ABCC2: variants seen among roughly 807,000 people sequenced by gnomAD.
ABCC2 encodes ATP binding cassette subfamily C member 2.
A neutral mutation model predicts 173.4 loss-of-function variants in ABCC2; 157 were observed. The ratio of observed to expected loss-of-function variants is 0.91; its 90% CI spans 0.80 to 1.03. The LOEUF (loss-of-function observed/expected upper bound fraction) is 1.03, where lower values mean the gene tolerates loss of function less well. Among genes scored for constraint, ABCC2 ranks in the 50% least tolerant of loss-of-function variants. ABCC2 has a pLI of 0.00. For missense variants in ABCC2, 1,822 were observed against 1,852.3 expected (o/e 0.98, Z 0.30); for synonymous variants, 657 against 693.5 (o/e 0.95, Z 0.83).
chr10:99,811,306 G>C (rs2038208571), intron 14 of ABCC2, among the ~76,000 whole-genome samples: 1 of 151,872 alleles, frequency 6.6e-6, no homozygotes, highest in Non-Finnish European at 1.5e-5. Context: ...CTCCATCCTG[G>C]GTGACAAAGT....
chr10:99,799,677 T>C (rs1035508236), intron 8 of ABCC2, among the ~76,000 whole-genome samples: 4 of 152,122 alleles, frequency 2.6e-5, no homozygotes, highest in African/African-American at 9.7e-5. Flanking sequence ...GCGGGTAGCA[T>C]ACCCCTGGAG....
chr10:99,834,529 TGTTC>T lies in ABCC2; in HGVS notation c.3409_3412del (p.Val1137ArgfsTer11). The T allele has an allele frequency of 6.2e-7, 1 of 1,614,216 alleles. No homozygotes were observed. The highest frequency in any genetic ancestry group is 8.5e-7 in the Non-Finnish European group (1 of 1,180,032). ...TTCCTCTTGGCATTATTTATGTATC[TGTTC>T]AGGTAGGTTTGGAAATGGCTAAGTC... On this transcript the variant is annotated frameshift_variant and splice_region_variant, in exon 24 of 32. Transcript: ENST00000647814. LOFTEE classifies it high-confidence loss of function.
intron 23 of ABCC2, among the ~76,000 whole-genome samples, chr10:99,832,400 A>AT (rs10683821): frequency 6.6e-6 from 1 of 151,794 alleles, no homozygotes; most frequent in Non-Finnish European, 1.5e-5. Flanking sequence ...TAAAACCAGT[A>AT]ACAGCAGTGT....
At chr10:99,804,345 A>G in intron 10 of ABCC2, 72 bp downstream of exon 10, 2 of 1,599,146 alleles carry the variant, frequency 1.3e-6, no homozygotes, top group African/African-American at 1.3e-5. Context: ...CTCTACTCTA[A>G]TTCTTAATGG....
intron 2 of ABCC2, chr10:99,788,981 T>A (rs1177463451): frequency 6.5e-6 from 1 of 152,990 alleles, no homozygotes; most frequent in Non-Finnish European, 1.5e-5. Flanking sequence ...TTTCATTCTC[T>A]GTAACTAGCT....
At chr10:99,850,964 G>C (rs551188951) in intron 31 of ABCC2, among the ~76,000 whole-genome samples, 168 bp downstream of exon 31, 25 of 152,310 alleles carry the variant, frequency 1.6e-4, no homozygotes, top group African/African-American at 6.0e-4. Context: ...TTTACATCAC[G>C]CAAATGAAAA....
At chr10:99,794,313 G>A in intron 5 of ABCC2, 100 bp from the exon 6 acceptor site, 2 of 1,138,664 alleles carry the variant, frequency 1.8e-6, no homozygotes, top group South Asian at 2.6e-5. Context: ...CTAGTTTCTA[G>A]CACAACATTA....
intron 28 of ABCC2, among the ~76,000 whole-genome samples, chr10:99,844,877 C>A (rs1053570706): frequency 6.6e-5 from 10 of 152,098 alleles, no homozygotes; most frequent in African/African-American, 2.2e-4. Context: ...AGTCAGGCAC[C>A]CTCCTTAGGT....
In ABCC2 at chr10:99,836,259, A is replaced by T; in HGVS notation, c.3583A>T (p.Lys1195Ter). Residue 1195 changes from lysine (K) to a stop codon, truncating the protein, a stop_gained, in exon 25 of 32, where the codon AAA becomes TAA. Coordinates refer to ENST00000647814, the MANE Select transcript of ABCC2 (RefSeq NM_000392.5). LOFTEE classifies it high-confidence loss of function. ...HNEVRIDTNQ[K>*]CVFSWITSNR... ...TGAGGTGAGGATTGACACCAACCAG[A>T]AATGTGTCTTTTCCTGGATCACCTC... The T allele has an allele frequency of 6.2e-7, 1 of 1,614,158 alleles. No homozygotes were observed. The highest frequency in any genetic ancestry group is 8.5e-7 in the Non-Finnish European group (1 of 1,180,034).
chr10:99,802,051 T>G (rs943419630), intron 9 of ABCC2, among the ~76,000 whole-genome samples: 2 of 152,264 alleles, frequency 1.3e-5, no homozygotes, highest in Non-Finnish European at 2.9e-5. Context: ...CTAACCAGCC[T>G]GTCTCAGCCA....
intron 26 of ABCC2, among the ~76,000 whole-genome samples, chr10:99,843,459 C>A (rs889919622): frequency 1.3e-5 from 2 of 152,178 alleles, no homozygotes; most frequent in Non-Finnish European, 2.9e-5. Flanking sequence ...CATGCCTTTC[C>A]CTGATTCACA....
intron 2 of ABCC2, among the ~76,000 whole-genome samples, chr10:99,788,325 T>C (rs1352753503): frequency 6.6e-6 from 1 of 152,232 alleles, no homozygotes; most frequent in Non-Finnish European, 1.5e-5. Flanking sequence ...TTTATTCATT[T>C]GTACCTAAGC....
In ABCC2 at chr10:99,795,783, GAAAGAAAGAAAGAAAGAA is replaced by G. The variant is rs1423533595; in HGVS notation, c.633-1312_633-1295del. On this transcript the variant is annotated intron_variant, in intron 6 of 31. Transcript: ENST00000647814. ...AGAAAGAAAGAAAGAAAGAAAGAAAGAAAGAAAGAAAGAAAGAAAGATTTCTAAATGCTAGATTTCAGT... is the reference window on the plus strand; with the variant it reads ...AGAAAGAAAGAAAGAAAGAAAGAAAGAGATTTCTAAATGCTAGATTTCAGT... 8.3e-3 allele frequency among the ~76,000 whole-genome samples: 1,218 copies of G among 145,960 alleles called. 22 individuals are homozygous for G. Among genetic ancestry groups the G allele is most frequent in the African/African-American group, 0.013 (492 of 36,846 alleles).
At position 99,830,798 on chromosome 10, in the gene ABCC2, G is replaced by T; in HGVS notation, c.2830G>T (p.Glu944Ter). Residue 944 changes from glutamate (E) to a stop codon, truncating the protein, a stop_gained, in exon 21 of 32, where the codon GAA (glutamate) becomes TAA (stop). Coordinates refer to ENST00000647814, the MANE Select transcript of ABCC2 (RefSeq NM_000392.5). LOFTEE classifies it high-confidence loss of function. Reference protein sequence around the residue: ...RNVNSLKEDEELVKGQKLIKK... With the variant: ...RNVNSLKEDE ...TGTGAATAGCCTGAAGGAAGACGAA[G>T]AACTAGTGAAAGGACAAAAACTAAT... 2.5e-6 allele frequency: 4 copies of T among 1,614,074 alleles called. No homozygotes were observed. Among genetic ancestry groups the T allele is most frequent in the Non-Finnish European group, 3.4e-6 (4 of 1,179,998 alleles).
chr10:99,807,566 G>C (rs2038134866), intron 12 of ABCC2, 45 bp downstream of exon 12: 4 of 1,612,998 alleles, frequency 2.5e-6, no homozygotes, highest in African/African-American at 2.7e-5. Context: ...ACCTGGACCT[G>C]CATCAGCTTC....
intron 10 of ABCC2, among the ~76,000 whole-genome samples, chr10:99,805,016 A>G (rs1173680333): frequency 3.3e-5 from 5 of 152,188 alleles, no homozygotes; most frequent in Non-Finnish European, 7.3e-5. Context: ...GTTATTTTCA[A>G]TGAGTTCAGG....
rs763527398 is a variant in ABCC2 at position 99,800,384 on chromosome 10, A to G, written c.1032-2A>G. The G allele has an allele frequency of 2.5e-6, 4 of 1,614,056 alleles. No individual in the cohort carries two copies. Among genetic ancestry groups the G allele is most frequent in the Non-Finnish European group, 3.4e-6 (4 of 1,180,016 alleles). Reference sequence around the variant, plus strand: ...ATAACTAACTTGGCTTTTCTCTGGCAGATTGCTGATCTCCTTTGCAAGTGA... The same window carrying G: ...ATAACTAACTTGGCTTTTCTCTGGCGGATTGCTGATCTCCTTTGCAAGTGA... On this transcript the variant is annotated splice_acceptor_variant, in intron 8 of 31. Coordinates refer to ENST00000647814, the MANE Select transcript of ABCC2 (RefSeq NM_000392.5). LOFTEE classifies it high-confidence loss of function.
intron 16 of ABCC2, among the ~76,000 whole-genome samples, chr10:99,815,800 T>A (rs540283120): frequency 4.6e-5 from 7 of 152,310 alleles, no homozygotes; most frequent in African/African-American, 1.7e-4. Flanking sequence ...TTTCCTGATT[T>A]AGCAATCACT....
rs371866713 is a variant in ABCC2, at chr10:99,799,313, C to A, written c.974C>A (p.Ser325Ter). The change falls in exon 8 of 32, where the codon TCA (serine) becomes TAA (stop). Residue 325 changes from serine to a stop codon, truncating the protein, a stop_gained. Transcript: ENST00000647814. LOFTEE classifies it high-confidence loss of function. The part of the protein sequence containing the change: ...FKTFYMVLLK[S>*]FLLKLVNDIF... ...ACTTTCTACATGGTGCTCCTGAAAT[C>A]ATTCCTACTGAAGCTAGTGAATGAC... 2 of 1,614,056 alleles carry A rather than the reference C, an allele frequency of 1.2e-6. No individual in the cohort carries two copies. Among genetic ancestry groups the A allele is most frequent in the Non-Finnish European group, 1.7e-6 (2 of 1,180,040 alleles).
Sources: gnomAD v4.1 joint callset for allele counts (sites outside exome capture counted in the v4.1 genomes callset) on GRCh38, gnomAD v4.1.1 for gene constraint, MANE v1.5 for transcripts, NCBI Gene and HGNC (gene_info 2026-07-23, HGNC 2026-07-21) for gene names.